The following NRIP1 variants were observed in gnomAD, a reference collection of about 807,000 sequenced individuals.
The protein encoded by NRIP1 is nuclear receptor interacting protein 1.
A neutral mutation model predicts 75.0 loss-of-function variants in NRIP1; 28 were observed. That is an observed-to-expected ratio of 0.37 (90% confidence interval 0.28 to 0.51). NRIP1 has a LOEUF of 0.51. Ranked by LOEUF, NRIP1 falls within the 20% of genes least tolerant of loss-of-function variation. The probability of loss-of-function intolerance (pLI) is 0.92; values close to 1 mark genes in which losing one functional copy is unlikely to be tolerated. For synonymous variants in NRIP1, 526 were observed against 487.6 expected (o/e 1.08, Z -1.04); for missense variants, 1,435 against 1,343.7 (o/e 1.07, Z -1.06).
intron 3 of NRIP1, among the ~76,000 whole-genome samples, chr21:15,001,700 T>C (rs2087853552): frequency 6.7e-6 from 1 of 150,370 alleles, no homozygotes; most frequent in Non-Finnish European, 1.5e-5. Flanking sequence ...CAAGGTGGTG[T>C]AGTGGCCACC....
At position 14,966,640 on chromosome 21, in the gene NRIP1, C is replaced by A; in HGVS notation, c.1553G>T (p.Ser518Ile). ...CACATCATTGTGTACTCCCTGAGGGCTGGTGTTTTTTTCTACATTTTCTTC... is the reference window on the plus strand; with the variant it reads ...CACATCATTGTGTACTCCCTGAGGGATGGTGTTTTTTTCTACATTTTCTTC... Reference protein sequence around the residue: ...KNEENVEKNTSPQGVHNDVSK... With the variant: ...KNEENVEKNTIPQGVHNDVSK... Residue 518 changes from serine to isoleucine, a missense_variant, in exon 4 of 4, where the codon AGC becomes ATC. By Grantham distance (142) the Ser-to-Ile change is moderately radical. Transcript: ENST00000318948. 1 of 1,614,076 alleles carries A rather than the reference C, an allele frequency of 6.2e-7. No homozygotes were observed. Among genetic ancestry groups the A allele is most frequent in the Non-Finnish European group, 8.5e-7 (1 of 1,179,978 alleles).
intron 2 of NRIP1, among the ~76,000 whole-genome samples, chr21:15,033,311 T>C (rs980576771): frequency 6.7e-6 from 1 of 148,844 alleles, no homozygotes; most frequent in Non-Finnish European, 1.5e-5. Context: ...ATGGTAATTC[T>C]CAAATAACTC....
chr21:15,026,414 C>A (rs1461796684), intron 2 of NRIP1, among the ~76,000 whole-genome samples: 1 of 152,122 alleles, frequency 6.6e-6, no homozygotes, highest in Non-Finnish European at 1.5e-5. Context: ...TGTAGCTCAA[C>A]AGAAACTTCT....
rs1056368360 is a variant in NRIP1 at position 14,976,766 on chromosome 21, A to T, written c.-334-8240T>A. On this transcript the variant is annotated intron_variant, in intron 3 of 3. Transcript: ENST00000318948. ...ACATGTAGGACTATTTTTGGTTGAG[A>T]ATAGAGAAATAATGACAACGGTCTT... Among the ~76,000 whole-genome samples, 8 of 152,322 alleles carry T rather than the reference A, an allele frequency of 5.3e-5. No individual in the cohort carries two copies. The East Asian group carries it at 1.3e-3, about 26-fold the overall frequency.
intron 1 of NRIP1, among the ~76,000 whole-genome samples, chr21:15,057,915 T>G (rs1000983654): frequency 1.3e-5 from 2 of 152,142 alleles, no homozygotes; most frequent in Non-Finnish European, 2.9e-5. Context: ...ACTCTTCCTT[T>G]CCCTGCTCCC....
Position 14,965,685 on chromosome 21 carries a change from G to A in NRIP1, c.2508C>T (p.Asp836=), listed in dbSNP as rs1303347591. ...NQDSYLADDS[D]RSHRNNEMAL... ...CCATTTCATTATTTCTGTGACTCCTGTCTGAATCATCTGCCAGGTAACTAT... is the reference window on the plus strand; with the variant it reads ...CCATTTCATTATTTCTGTGACTCCTATCTGAATCATCTGCCAGGTAACTAT... Residue 836 remains aspartate (D), a synonymous_variant, in exon 4 of 4, where the codon GAC becomes GAT. Coordinates refer to ENST00000318948, the MANE Select transcript of NRIP1 (RefSeq NM_003489.4). 6.2e-7 allele frequency: 1 copy of A among 1,613,596 alleles called. No individual in the cohort carries two copies. The highest frequency in any genetic ancestry group is 1.3e-5 in the African/African-American group (1 of 75,012).
rs944875582 is a variant in NRIP1 at position 14,988,497 on chromosome 21, A to G, written c.-334-19971T>C. Among the ~76,000 whole-genome samples the G allele has an allele frequency of 1.6e-3, 230 of 141,900 alleles. 1 individual carries two copies. Among genetic ancestry groups the G allele is most frequent in the African/African-American group, 5.5e-3 (206 of 37,372 alleles). 93.1% of individuals were successfully genotyped at this position (141,900 alleles called of 152,430 possible). A position where few individuals can be genotyped will look rare whatever the true frequency, so the allele number is the denominator to read the frequency against. ...GATAATATAGATAGATAGTATATATATATGTGTGTGTGTGTGTGTGTATAT... is the reference window on the plus strand; with the variant it reads ...GATAATATAGATAGATAGTATATATGTATGTGTGTGTGTGTGTGTGTATAT... On this transcript the variant is annotated intron_variant, in intron 3 of 3. Transcript: ENST00000318948.
intron 1 of NRIP1, among the ~76,000 whole-genome samples, chr21:15,055,712 C>T (rs1160637496): frequency 1.3e-5 from 2 of 152,098 alleles, no homozygotes; most frequent in Admixed American, 1.3e-4. Context: ...CAAAAATAAA[C>T]AAAAAAGTGT....
chr21:15,052,408 T>C (rs1170381030), intron 1 of NRIP1: 1 of 152,212 alleles, frequency 6.6e-6, no homozygotes, highest in African/African-American at 2.4e-5. Context: ...AGCTGAGAAG[T>C]AATGATTCCT....
chr21:15,025,160 C>T (rs2088486450), intron 2 of NRIP1, among the ~76,000 whole-genome samples: 1 of 151,970 alleles, frequency 6.6e-6, no homozygotes, highest in Non-Finnish European at 1.5e-5. Flanking sequence ...CATAAAGGGG[C>T]TTTGAGGCTC....
intron 1 of NRIP1, among the ~76,000 whole-genome samples, chr21:15,055,672 C>T (rs1480458548): frequency 2.0e-5 from 3 of 152,140 alleles, no homozygotes; most frequent in Non-Finnish European, 4.4e-5. Flanking sequence ...ACACCTGGTA[C>T]ACAAACCCCT....
At chr21:15,023,450 C>G (rs984757756) in intron 2 of NRIP1, among the ~76,000 whole-genome samples, 17 of 151,904 alleles carry the variant, frequency 1.1e-4, no homozygotes, top group African/African-American at 4.1e-4. Flanking sequence ...AAACAGAAAA[C>G]AACATTTAAA....
At position 14,962,027 on chromosome 21, in the gene NRIP1, A is replaced by G. The variant is rs1456246662; in HGVS notation, c.*2689T>C. On this transcript the variant is annotated 3_prime_UTR_variant, in exon 4 of 4. Transcript: ENST00000318948. ...ATATATATACATATTATATATATAT[A>G]TATATATATATATATAAAATATATA... The G allele has an allele frequency of 6.8e-6, 1 of 146,452 alleles. No individual in the cohort carries two copies. The highest frequency in any genetic ancestry group is 1.5e-5 in the Non-Finnish European group (1 of 66,520). 9.1% of individuals were successfully genotyped at this position (146,452 alleles called of 1,614,324 possible). A position where few individuals can be genotyped will look rare whatever the true frequency, so the allele number is the denominator to read the frequency against.
intron 1 of NRIP1, chr21:15,052,322 C>T (rs1454753659): frequency 6.6e-6 from 1 of 152,118 alleles, no homozygotes; most frequent in African/African-American, 2.4e-5. Context: ...ATTTTCACCC[C>T]GAAGTATTAT....
rs564530008 is a variant in NRIP1 at position 15,028,156 on chromosome 21, G to A, written c.-457-13690C>T. 2.6e-5 allele frequency among the ~76,000 whole-genome samples: 4 copies of A among 152,302 alleles called. No individual in the cohort carries two copies. In the South Asian group the frequency reaches 8.3e-4, roughly 32 times the overall value. On this transcript the variant is annotated intron_variant, in intron 2 of 3. Transcript: ENST00000318948. ...ATAAGGTGCTTTTTTGGCATTTTAT[G>A]TGATGCACACGGATTGAAAATCTTA...
rs140765527 is a variant in NRIP1 at position 14,996,437 on chromosome 21, C to T, written c.-335+17907G>A. 1.1e-4 allele frequency among the ~76,000 whole-genome samples: 16 copies of T among 152,284 alleles called. No individual in the cohort carries two copies. The East Asian group carries it at 1.2e-3, about 11-fold the overall frequency. On this transcript the variant is annotated intron_variant, in intron 3 of 3. Transcript: ENST00000318948. ...AAAGTTCTTTCTGGCTTTCTTATGG[C>T]TGCCTCCTTTGCCTCCTTCCCCAAA...
chr21:15,005,384 G>A (rs1045259759), intron 3 of NRIP1, among the ~76,000 whole-genome samples: 5 of 152,100 alleles, frequency 3.3e-5, no homozygotes, highest in Admixed American at 6.5e-5. Context: ...GAAAAAGGGG[G>A]GTAAAAAAGT....
At chr21:14,996,929 T>A (rs537397189) in intron 3 of NRIP1, among the ~76,000 whole-genome samples, 240 of 152,066 alleles carry the variant, frequency 1.6e-3, no homozygotes, top group African/African-American at 5.5e-3. Flanking sequence ...GACACTTGTA[T>A]AAAGATAAAT....
intron 2 of NRIP1, among the ~76,000 whole-genome samples, chr21:15,036,219 G>A (rs189404547): frequency 4.8e-4 from 73 of 152,276 alleles, no homozygotes; most frequent in African/African-American, 1.5e-3. Context: ...ATAATAAAGG[G>A]CTGTGTATAC....
Sources: gnomAD v4.1 joint callset for allele counts (sites outside exome capture counted in the v4.1 genomes callset) on GRCh38, gnomAD v4.1.1 for gene constraint, MANE v1.5 for transcripts, NCBI Gene and HGNC (gene_info 2026-07-23, HGNC 2026-07-21) for gene names.